The following NIPA1 variants were observed in gnomAD, a reference collection of about 807,000 sequenced individuals.
NIPA1 encodes the protein magnesium transporter NIPA1.
A neutral mutation model predicts 23.9 loss-of-function variants in NIPA1; 13 were observed. That is an observed-to-expected ratio of 0.54 (90% confidence interval 0.35 to 0.87). NIPA1 has a LOEUF of 0.87. Among genes scored for constraint, NIPA1 ranks in the 40% least tolerant of loss-of-function variants. The pLI is 0.01. For missense variants in NIPA1, 362 were observed against 429.7 expected (o/e 0.84, Z 1.39); for synonymous variants, 234 against 202.9 (o/e 1.15, Z -1.30).
In NIPA1 at chr15:22,820,435, C is replaced by T. The variant is rs760253366; in HGVS notation, c.440C>T (p.Thr147Ile). 24 of 1,612,824 alleles carry T rather than the reference C, an allele frequency of 1.5e-5. No homozygotes were observed. Among genetic ancestry groups the T allele is most frequent in the Middle Eastern group, 3.3e-4 (2 of 6,082 alleles). Residue 147 changes from threonine (T) to isoleucine (I), a missense_variant, in exon 4 of 5, where the codon ACA (threonine) becomes ATA (isoleucine). Transcript: ENST00000337435. ...IIHSPKSESVTTQAELEEKLT... is the reference protein window; with the variant it reads ...IIHSPKSESVITQAELEEKLT... ...CACTCCCCAAAGTCTGAGAGTGTGACAACTCAGGCTGAGCTGGAGGAAAAG... is the reference window on the plus strand; with the variant it reads ...CACTCCCCAAAGTCTGAGAGTGTGATAACTCAGGCTGAGCTGGAGGAAAAG...
Position 22,820,980 on chromosome 15 carries a change from C to CTTTT in NIPA1, c.478+518_478+521dup, listed in dbSNP as rs34707760. Among the ~76,000 whole-genome samples the CTTTT allele has an allele frequency of 5.1e-4, 72 of 140,404 alleles. No homozygotes were observed. The East Asian group carries it at 0.013, about 25-fold the overall frequency. 92.1% of individuals were successfully genotyped at this position (140,404 alleles called of 152,430 possible). A position where few individuals can be genotyped will look rare whatever the true frequency, so the allele number is the denominator to read the frequency against. ...CTTTTGACATAATTTCTTTTCTTTT[C>CTTTT]TTTTTTTTTTTTTTGGAGACGGAGT... On this transcript the variant is annotated intron_variant, in intron 4 of 4. Coordinates refer to ENST00000337435, the MANE Select transcript of NIPA1 (RefSeq NM_144599.5).
At chr15:22,787,156 C>T (rs1020163637) in intron 1 of NIPA1, among the ~76,000 whole-genome samples, 1 of 152,062 alleles carries the variant, frequency 6.6e-6, no homozygotes, top group African/African-American at 2.4e-5. Context: ...TGACTTTTTC[C>T]CTCGGTCCAA....
intron 1 of NIPA1, among the ~76,000 whole-genome samples, chr15:22,805,911 A>T (rs1031084084): frequency 4.0e-5 from 6 of 150,826 alleles, no homozygotes; most frequent in Non-Finnish European, 5.9e-5. Context: ...TATTTTATTT[A>T]TTTTTTTTTA....
intron 1 of NIPA1, among the ~76,000 whole-genome samples, chr15:22,794,560 C>T (rs529618438): frequency 1.3e-5 from 2 of 152,132 alleles, no homozygotes; most frequent in African/African-American, 4.8e-5. Context: ...TAGACTCCTC[C>T]TTGAGAGGAG....
intron 1 of NIPA1, 135 bp downstream of exon 1, chr15:22,786,969 C>A: frequency 2.2e-6 from 1 of 464,744 alleles, no homozygotes; most frequent in Non-Finnish European, 3.0e-6. Flanking sequence ...GGGAAGGCTG[C>A]GCGGGCGGGT....
In NIPA1 at chr15:22,829,173, G is replaced by A. The variant is rs1166775959; in HGVS notation, c.*4934G>A. On this transcript the variant is annotated 3_prime_UTR_variant, in exon 5 of 5. Transcript: ENST00000337435. ...AAGCCGCACAGAAAGATCACCTTCCGATGGTGTGATGTGCTCCTGACATTC... is the reference window on the plus strand; with the variant it reads ...AAGCCGCACAGAAAGATCACCTTCCAATGGTGTGATGTGCTCCTGACATTC... 6 of 152,304 alleles carry A rather than the reference G, an allele frequency of 3.9e-5. No individual in the cohort carries two copies. Among genetic ancestry groups the A allele is most frequent in the African/African-American group, 1.4e-4 (6 of 41,570 alleles). The allele number at this position is 152,304 out of a possible 1,614,324, so 9.4% of individuals were successfully genotyped here.
At chr15:22,815,445 C>T (rs1895397022) in intron 3 of NIPA1, among the ~76,000 whole-genome samples, 1 of 151,964 alleles carries the variant, frequency 6.6e-6, no homozygotes, top group Admixed American at 6.6e-5. Context: ...CCAGGGAGAC[C>T]AGCCTGGCCA....
At chr15:22,791,670 G>A (rs1365338795) in intron 1 of NIPA1, among the ~76,000 whole-genome samples, 2 of 151,780 alleles carry the variant, frequency 1.3e-5, no homozygotes, top group Non-Finnish European at 2.9e-5. Context: ...TTTGAGTAGA[G>A]GCAGGGTTTC....
chr15:22,809,810 T>G (rs1271819320), intron 1 of NIPA1, among the ~76,000 whole-genome samples: 1 of 146,892 alleles, frequency 6.8e-6, no homozygotes, highest in Non-Finnish European at 1.5e-5. Context: ...GAGGCCGAGG[T>G]GGGCGGATCA....
intron 4 of NIPA1, among the ~76,000 whole-genome samples, chr15:22,821,956 A>T (rs1465922364): frequency 2.0e-5 from 3 of 152,218 alleles, no homozygotes; most frequent in Non-Finnish European, 4.4e-5. Context: ...ATCCCTTTCA[A>T]TATGTAAATG....
intron 1 of NIPA1, among the ~76,000 whole-genome samples, chr15:22,788,109 C>T (rs1894748552): frequency 6.6e-6 from 1 of 152,102 alleles, no homozygotes; most frequent in Non-Finnish European, 1.5e-5. Context: ...GGTCAACGCG[C>T]GTGACCTTAT....
chr15:22,812,064 GTAGCCCTTTCAGGGCAGAGCC>G (rs1400082314), intron 2 of NIPA1, 78 bp from the exon 3 acceptor site: 1 of 893,682 alleles, frequency 1.1e-6, no homozygotes, highest in Admixed American at 2.0e-5. Flanking sequence ...TGTGAATGAA[GTAGCCCTTTCAGGGCAGAGCC>G]TAGCGTAATT....
At chr15:22,804,592 G>A (rs12914434) in intron 1 of NIPA1, among the ~76,000 whole-genome samples, 1 of 151,922 alleles carries the variant, frequency 6.6e-6, no homozygotes, top group Non-Finnish European at 1.5e-5. Context: ...TTAGTGTTTA[G>A]CGTTAGGTCC....
chr15:22,812,102 T>G, intron 2 of NIPA1, 61 bp from the exon 3 acceptor site: 1 of 1,222,072 alleles, frequency 8.2e-7, no homozygotes, highest in South Asian at 1.2e-5. Context: ...AATTCAACTG[T>G]GATCAGTGCT....
chr15:22,813,306 T>A (rs190732895), intron 3 of NIPA1, among the ~76,000 whole-genome samples: 376 of 152,272 alleles, frequency 2.5e-3, no homozygotes, highest in African/African-American at 6.5e-3. Flanking sequence ...TTTATTTTTT[T>A]AATTTTATTT....
chr15:22,808,602 C>A (rs1041824126), intron 1 of NIPA1, among the ~76,000 whole-genome samples: 2 of 151,912 alleles, frequency 1.3e-5, no homozygotes, highest in East Asian at 3.9e-4. Flanking sequence ...AGTAAATTTT[C>A]ATTCGCTTGT....
At chr15:22,793,188 A>AATTGT (rs1894867474) in intron 1 of NIPA1, among the ~76,000 whole-genome samples, 1 of 151,178 alleles carries the variant, frequency 6.6e-6, no homozygotes, top group Non-Finnish European at 1.5e-5. Flanking sequence ...CATCTCTACA[A>AATTGT]AAATACAAAA....
At position 22,800,130 on chromosome 15, in the gene NIPA1, A is replaced by G. The variant is rs532704581; in HGVS notation, c.179-10619A>G. ...ACCCCAGCATTGCACAATATACGCA[A>G]AGAACAAACCTGCCCATGGTCCCCT... is the stretch of plus-strand genomic sequence containing the variant. On this transcript the variant is annotated intron_variant, in intron 1 of 4. Coordinates refer to ENST00000337435, the MANE Select transcript of NIPA1 (RefSeq NM_144599.5). 5.3e-5 allele frequency among the ~76,000 whole-genome samples: 8 copies of G among 152,006 alleles called. No homozygotes were observed. In the East Asian group the frequency reaches 1.5e-3, roughly 29 times the overall value.
upstream of NIPA1, chr15:22,786,267 C>T (rs1894693094): frequency 6.6e-6 from 1 of 152,206 alleles, no homozygotes; most frequent in Non-Finnish European, 1.5e-5. Flanking sequence ...GGCCGGCCTC[C>T]GCTGGAGGCT....
Sources: gnomAD v4.1 joint callset for allele counts (sites outside exome capture counted in the v4.1 genomes callset) on GRCh38, gnomAD v4.1.1 for gene constraint, MANE v1.5 for transcripts, NCBI Gene and HGNC (gene_info 2026-07-23, HGNC 2026-07-21) for gene names.